ZNF362: variants seen among roughly 807,000 people sequenced by gnomAD.
The protein encoded by ZNF362 is zinc finger protein 362, also known as rotund homolog.
Under a neutral mutation model 42.9 loss-of-function variants are expected in ZNF362, and 11 were observed. That is an observed-to-expected ratio of 0.26 (90% CI 0.16 to 0.42). The LOEUF (loss-of-function observed/expected upper bound fraction) is 0.42. ZNF362 is among the 20% of genes least tolerant of loss of function. The pLI is 1.00. For missense variants in ZNF362, 362 were observed against 576.2 expected (o/e 0.63, Z 3.81); for synonymous variants, 255 against 257.3 (o/e 0.99, Z 0.09).
the ZNF362 span, among the ~76,000 whole-genome samples, chr1:33,218,691 A>G: frequency 2.9e-3 from 434 of 151,532 alleles, 1 homozygote; most frequent in Non-Finnish European, 5.2e-3. Context: ...TCCTTTGTCT[A>G]TTTTTTTCTG....
At chr1:33,147,749 G>A in the ZNF362 span, 1 of 1,599,018 alleles carries the variant, frequency 6.3e-7, no homozygotes, top group Non-Finnish European at 8.5e-7. The surrounding 1 kb of genome is among the most constrained non-coding windows in gnomAD (Gnocchi z 8.1). Flanking sequence ...GGAGGAGGGA[G>A]AGAAGATGAG....
intron 6 of ZNF362, among the ~76,000 whole-genome samples, chr1:33,282,744 C>G (rs1646004788): frequency 3.3e-5 from 5 of 151,734 alleles, no homozygotes; most frequent in Admixed American, 1.3e-4. Context: ...CTCGCTTGAA[C>G]CCAGGAGATG....
At chr1:33,134,060 T>A in the ZNF362 span, among the ~76,000 whole-genome samples, 1 of 152,194 alleles carries the variant, frequency 6.6e-6, no homozygotes, top group Non-Finnish European at 1.5e-5. Flanking sequence ...GAGGCAGGAT[T>A]TGAACCCAGA....
chr1:33,238,381 T>TAATA, the ZNF362 span, among the ~76,000 whole-genome samples: 4 of 105,530 alleles, frequency 3.8e-5, no homozygotes, highest in African/African-American at 6.9e-5. Context: ...TAAAATAAAA[T>TAATA]AAATAAAATA....
intron 6 of ZNF362, among the ~76,000 whole-genome samples, chr1:33,284,317 T>A (rs1010997794): frequency 2.0e-5 from 3 of 152,244 alleles, no homozygotes; most frequent in Non-Finnish European, 2.9e-5. Context: ...CATGCCTAAT[T>A]AAATGAAATT....
chr1:33,276,193 C>T lies in ZNF362; in HGVS notation c.102+30C>T, dbSNP rs776583583. ...GACTGACGTCGCCCCTCCGGCTGCC[C>T]TACCCTCCTTGGCGCTGCTTCGCTT... On this transcript the variant is annotated intron_variant, in intron 3 of 8. Transcript: ENST00000539719. 41 of 1,610,990 alleles carry T rather than the reference C, an allele frequency of 2.5e-5. 1 individual carries two copies. The highest frequency in any genetic ancestry group is 3.5e-5 in the Non-Finnish European group (41 of 1,179,474).
At chr1:33,241,320 C>T in the ZNF362 span, among the ~76,000 whole-genome samples, 2 of 151,894 alleles carry the variant, frequency 1.3e-5, no homozygotes, top group Non-Finnish European at 2.9e-5. Flanking sequence ...CATGGCAAAA[C>T]CCCATCTCTA....
chr1:33,165,595 G>A, the ZNF362 span: 2 of 1,572,942 alleles, frequency 1.3e-6, no homozygotes, highest in Admixed American at 1.8e-5. This position sits in a 1 kb window ranked among gnomAD's most constrained non-coding sequence, Gnocchi z 4.0. Context: ...CGGGATGGGG[G>A]CAGGGGCCAT....
chr1:33,133,010 G>A, the ZNF362 span, among the ~76,000 whole-genome samples: 1 of 152,254 alleles, frequency 6.6e-6, no homozygotes, highest in East Asian at 1.9e-4. Flanking sequence ...GAAACCAGGA[G>A]TGCACTCCTT....
At chr1:33,223,715 A>T in the ZNF362 span, among the ~76,000 whole-genome samples, 4 of 152,098 alleles carry the variant, frequency 2.6e-5, no homozygotes, top group African/African-American at 9.7e-5. Flanking sequence ...CAACATGGTG[A>T]AACCCTGTCT....
chr1:33,212,890 T>C, the ZNF362 span, among the ~76,000 whole-genome samples: 1 of 152,220 alleles, frequency 6.6e-6, no homozygotes, highest in Non-Finnish European at 1.5e-5. Context: ...TGCAAAGATT[T>C]GTACACAAAT....
chr1:33,146,786 G>A, the ZNF362 span: 3 of 272,000 alleles, frequency 1.1e-5, no homozygotes, highest in Non-Finnish European at 2.1e-5. Context: ...AGAGGGTGCT[G>A]TGTGTCTTTC....
the ZNF362 span, among the ~76,000 whole-genome samples, chr1:33,251,491 C>A: frequency 3.9e-5 from 6 of 152,218 alleles, no homozygotes; most frequent in Admixed American, 6.5e-5. Flanking sequence ...TCTGCCCATT[C>A]CAGCCCATTC....
intron 1 of ZNF362, among the ~76,000 whole-genome samples, chr1:33,264,211 T>C (rs1645848755): frequency 6.6e-6 from 1 of 152,168 alleles, no homozygotes; most frequent in Non-Finnish European, 1.5e-5. Context: ...CAGTTGGCTT[T>C]CCTGTTTTTA....
At chr1:33,223,937 G>C in the ZNF362 span, among the ~76,000 whole-genome samples, 1 of 151,296 alleles carries the variant, frequency 6.6e-6, no homozygotes, top group East Asian at 1.9e-4. Context: ...GACCAGCTTT[G>C]GATCAGCTTA....
At chr1:33,241,976 G>C in the ZNF362 span, among the ~76,000 whole-genome samples, 1 of 152,206 alleles carries the variant, frequency 6.6e-6, no homozygotes, top group African/African-American at 2.4e-5. Flanking sequence ...AAAGGGGAGA[G>C]ACAGCTAAAG....
intron 6 of ZNF362, among the ~76,000 whole-genome samples, chr1:33,290,107 A>G (rs1200869753): frequency 1.3e-5 from 2 of 151,548 alleles, no homozygotes; most frequent in African/African-American, 4.9e-5. Flanking sequence ...TTATTTTTTT[A>G]TTTATACTTA....
chr1:33,138,626 C>CAAAAAAAAAAAAAAAA, the ZNF362 span, among the ~76,000 whole-genome samples: 3 of 66,076 alleles, frequency 4.5e-5, no homozygotes, highest in African/African-American at 4.7e-5. Flanking sequence ...ACAACAACAA[C>CAAAAAAAAAAAAAAAA]AAAAAAAAAA....
At chr1:33,237,315 G>A in the ZNF362 span, among the ~76,000 whole-genome samples, 2 of 152,194 alleles carry the variant, frequency 1.3e-5, no homozygotes, top group Admixed American at 6.5e-5. Context: ...TACTGTTACT[G>A]TTGTTGTTGT....
Sources: gnomAD v4.1 joint callset for allele counts (sites outside exome capture counted in the v4.1 genomes callset) on GRCh38, gnomAD v4.1.1 for gene constraint, Gnocchi (gnomAD v3.1) non-coding constraint, MANE v1.5 for transcripts, NCBI Gene and HGNC (gene_info 2026-07-23, HGNC 2026-07-21) for gene names.